The following OSBPL10 variants were observed in gnomAD, a reference collection of about 807,000 sequenced individuals.
The protein encoded by OSBPL10 is oxysterol binding protein like 10.
In OSBPL10, 49 loss-of-function variants were observed where a neutral mutation model predicts 81.7. The ratio of observed to expected loss-of-function variants is 0.60; its 90% CI spans 0.48 to 0.76. The LOEUF is 0.76. OSBPL10 is among the 30% of genes least tolerant of loss of function. The pLI, the probability that OSBPL10 is intolerant of heterozygous loss-of-function variation, is 0.00. For missense variants in OSBPL10, 923 were observed against 987.8 expected (o/e 0.93, Z 0.88); for synonymous variants, 419 against 383.6 (o/e 1.09, Z -1.08).
rs185967847 is a variant in OSBPL10, at chr3:31,822,874, G to A, written c.729+7166C>T. On this transcript the variant is annotated intron_variant, in intron 4 of 11. Coordinates refer to ENST00000396556, the MANE Select transcript of OSBPL10 (RefSeq NM_017784.5). The stretch of plus-strand genomic sequence containing the variant: ...GGTTGCAATGAGTCATGATTGATCT[G>A]CTATACTCCAGCCTCCAACAGAGTG... 1.8e-3 allele frequency among the ~76,000 whole-genome samples: 230 copies of A among 130,106 alleles called. 4 individuals carry two copies. Among genetic ancestry groups the A allele is most frequent in the Non-Finnish European group, 1.7e-4 (11 of 64,034 alleles). The allele number at this position is 130,106 out of a possible 152,430, so 85.4% of individuals were successfully genotyped here. A position where few individuals can be genotyped will look rare whatever the true frequency, so the allele number is the denominator to read the frequency against.
chr3:31,974,171 A>G (rs1698635974), intron 1 of OSBPL10, among the ~76,000 whole-genome samples: 3 of 152,228 alleles, frequency 2.0e-5, no homozygotes. Context: ...CCAATGGCCG[A>G]TTAATACGTG....
chr3:31,816,744 T>C (rs551609553), intron 4 of OSBPL10, among the ~76,000 whole-genome samples: 3 of 152,276 alleles, frequency 2.0e-5, no homozygotes, highest in African/African-American at 4.8e-5. Context: ...ATGAGCTTTA[T>C]TGAGTGTTAC....
At chr3:32,006,513 C>T (rs915956580) in intron 2 of OSBPL10, among the ~76,000 whole-genome samples, 1 of 152,114 alleles carries the variant, frequency 6.6e-6, no homozygotes, top group Non-Finnish European at 1.5e-5. Flanking sequence ...TGTAGAAATC[C>T]TTCAACCCTA....
chr3:31,738,072 G>A lies in OSBPL10; in HGVS notation c.941-4661C>T, dbSNP rs189594135. Among the ~76,000 whole-genome samples the A allele has an allele frequency of 2.9e-3, 438 of 151,882 alleles. 2 individuals are homozygous for A. Among genetic ancestry groups the A allele is most frequent in the African/African-American group, 0.01 (418 of 41,418 alleles). ...CAAGAGATAAAGGATCCATGTTCCT[G>A]AAGGAGAGAGACCAAATCAATGGAT... On this transcript the variant is annotated intron_variant, in intron 5 of 11. Transcript: ENST00000396556.
At position 32,035,156 on chromosome 3, in the gene OSBPL10, G is replaced by C. The variant is rs569868678; in HGVS notation, n.298+11335C>G. Among the ~76,000 whole-genome samples the C allele has an allele frequency of 2.6e-5, 4 of 152,240 alleles. No individual in the cohort carries two copies. The East Asian group carries it at 7.7e-4, about 29-fold the overall frequency. The stretch of plus-strand genomic sequence containing the variant: ...TACCATAAATGTACTTCATAGAGGA[G>C]TCTGAGCCTACTCTGGTTTGGGAGC... On this transcript the variant is annotated intron_variant and non_coding_transcript_variant, in intron 2 of 3. Transcript: ENST00000479173.
intron 1 of OSBPL10, among the ~76,000 whole-genome samples, chr3:31,967,393 T>C (rs556144901): frequency 1.3e-5 from 2 of 152,112 alleles, no homozygotes; most frequent in African/African-American, 4.8e-5. Flanking sequence ...GGCAGGAGGA[T>C]CGCTTGAACC....
At chr3:32,067,037 C>T (rs1024437326) in intron 1 of OSBPL10, among the ~76,000 whole-genome samples, 1 of 152,070 alleles carries the variant, frequency 6.6e-6, no homozygotes, top group Admixed American at 6.5e-5. Flanking sequence ...TTGAAGTGAC[C>T]TGATGTTAAC....
chr3:31,910,332 T>C (rs1471327542), intron 1 of OSBPL10, among the ~76,000 whole-genome samples: 1 of 151,892 alleles, frequency 6.6e-6, no homozygotes, highest in Non-Finnish European at 1.5e-5. Context: ...GACAACCTAT[T>C]GGCAGAATTC....
At chr3:31,802,065 C>T (rs1315958110) in intron 4 of OSBPL10, among the ~76,000 whole-genome samples, 8 of 151,418 alleles carry the variant, frequency 5.3e-5, no homozygotes, top group African/African-American at 1.2e-4. Flanking sequence ...TCAGGTGATC[C>T]GTCCGCCTCG....
At chr3:31,825,706 T>A (rs982157656) in intron 4 of OSBPL10, among the ~76,000 whole-genome samples, 2 of 152,224 alleles carry the variant, frequency 1.3e-5, no homozygotes, top group African/African-American at 4.8e-5. Flanking sequence ...TATGAGATAG[T>A]GGAAACCAGA....
At chr3:32,046,040 G>C (rs545828940) in intron 2 of OSBPL10, 3 of 152,240 alleles carry the variant, frequency 2.0e-5, no homozygotes, top group African/African-American at 7.2e-5. Context: ...CTTTCCTGTG[G>C]GTTCTTATTT....
At chr3:31,826,912 C>T (rs943450099) in intron 4 of OSBPL10, among the ~76,000 whole-genome samples, 9 of 152,052 alleles carry the variant, frequency 5.9e-5, no homozygotes, top group African/African-American at 2.2e-4. Flanking sequence ...GGCTCGGCAC[C>T]CTAAAATTCT....
At chr3:31,871,551 A>G (rs962727765) in intron 3 of OSBPL10, among the ~76,000 whole-genome samples, 1 of 152,206 alleles carries the variant, frequency 6.6e-6, no homozygotes, top group Non-Finnish European at 1.5e-5. Context: ...CTATCCTAGA[A>G]GTTTCCTAAG....
At chr3:31,969,481 G>C (rs1372176573) in intron 1 of OSBPL10, 1 of 146,370 alleles carries the variant, frequency 6.8e-6, no homozygotes, top group Admixed American at 6.6e-5. Flanking sequence ...TCTGCCCAAA[G>C]GAGGGCTACA....
intron 1 of OSBPL10, among the ~76,000 whole-genome samples, chr3:31,941,752 A>G (rs11708350): frequency 0.21 from 31,980 of 152,216 alleles, 3,910 homozygotes; most frequent in Non-Finnish European, 0.28. Flanking sequence ...CTAGTGTTAA[A>G]TTGCAAGTGA....
At chr3:31,793,000 T>C (rs942552945) in intron 4 of OSBPL10, among the ~76,000 whole-genome samples, 2 of 151,978 alleles carry the variant, frequency 1.3e-5, no homozygotes, top group Admixed American at 6.6e-5. Context: ...TTGGATATCC[T>C]GGAAGCTAAG....
chr3:31,932,032 A>G (rs1697264089), intron 1 of OSBPL10, among the ~76,000 whole-genome samples: 1 of 152,092 alleles, frequency 6.6e-6, no homozygotes, highest in African/African-American at 2.4e-5. Context: ...ATACAGCGAG[A>G]CTCTGTCTCA....
chr3:31,758,746 C>T (rs145958965), intron 4 of OSBPL10, among the ~76,000 whole-genome samples: 2 of 152,338 alleles, frequency 1.3e-5, no homozygotes, highest in Non-Finnish European at 2.9e-5. Flanking sequence ...TCTCATGGAG[C>T]AGCATGAAGC....
intron 2 of OSBPL10, among the ~76,000 whole-genome samples, chr3:31,988,452 G>C (rs568878074): frequency 3.9e-5 from 6 of 152,270 alleles, no homozygotes; most frequent in African/African-American, 1.2e-4. Flanking sequence ...TCAAAGCTAT[G>C]CCTATAGATT....
Sources: allele counts gnomAD v4.1 joint callset (sites outside exome capture counted in the v4.1 genomes callset), GRCh38; gene constraint gnomAD v4.1.1; transcripts MANE v1.5; gene names NCBI Gene and HGNC (gene_info 2026-07-23, HGNC 2026-07-21).